CERT1: variants seen among roughly 807,000 people sequenced by gnomAD.
CERT1 encodes ceramide transfer protein.
In CERT1, 31 loss-of-function variants were observed where a neutral mutation model predicts 87.9. The ratio of observed to expected loss-of-function variants is 0.35; its 90% CI spans 0.27 to 0.48. The LOEUF is 0.48. Among genes scored for constraint, CERT1 ranks in the 20% least tolerant of loss-of-function variants. The pLI is 0.99. For missense variants in CERT1, 487 were observed against 758.0 expected (o/e 0.64, Z 4.20); for synonymous variants, 289 against 250.9 (o/e 1.15, Z -1.44).
intron 8 of CERT1, among the ~76,000 whole-genome samples, chr5:75,405,804 T>C (rs548757865): frequency 6.9e-6 from 1 of 145,232 alleles, no homozygotes; most frequent in African/African-American, 2.5e-5. Context: ...GGTACATACA[T>C]ATAGGAAAAA....
At chr5:75,509,326 T>C (rs1218238359) in intron 1 of CERT1, among the ~76,000 whole-genome samples, 1 of 152,228 alleles carries the variant, frequency 6.6e-6, no homozygotes, top group East Asian at 1.9e-4. Context: ...ATACTCAGTA[T>C]GAGTATATAT....
At chr5:75,486,563 T>C (rs1237028317) in intron 2 of CERT1, among the ~76,000 whole-genome samples, 1 of 152,110 alleles carries the variant, frequency 6.6e-6, no homozygotes, top group African/African-American at 2.4e-5. Context: ...TATGCTTATC[T>C]GGAAATGATA....
At chr5:75,491,844 G>A (rs1443515388) in intron 2 of CERT1, among the ~76,000 whole-genome samples, 2 of 152,136 alleles carry the variant, frequency 1.3e-5, no homozygotes, top group East Asian at 1.9e-4. Flanking sequence ...ACCTACCACT[G>A]TCTTCAGCTA....
At chr5:75,505,876 G>T (rs933710590) in intron 2 of CERT1, 106 bp downstream of exon 2, 2 of 816,040 alleles carry the variant, frequency 2.5e-6, no homozygotes, top group African/African-American at 1.8e-5. Context: ...ACAAGGACAA[G>T]GATCTTTATC....
intron 2 of CERT1, among the ~76,000 whole-genome samples, chr5:75,460,017 T>C (rs1186029677): frequency 6.8e-6 from 1 of 147,240 alleles, no homozygotes; most frequent in Non-Finnish European, 1.5e-5. Context: ...TTGCCCAGGC[T>C]GGTCTCGAAC....
intron 12 of CERT1, among the ~76,000 whole-genome samples, chr5:75,388,153 C>A (rs1761876089): frequency 6.6e-6 from 1 of 152,198 alleles, no homozygotes; most frequent in African/African-American, 2.4e-5. Flanking sequence ...TCTGGAGTAA[C>A]AAGACCCTGT....
At chr5:75,383,211 G>C (rs954283351) in intron 14 of CERT1, among the ~76,000 whole-genome samples, 6 of 151,886 alleles carry the variant, frequency 4.0e-5, no homozygotes, top group Non-Finnish European at 8.8e-5. Flanking sequence ...AATGTAATGT[G>C]ATTTTCTTGA....
chr5:75,374,154 TC>T (rs1404998355), downstream of CERT1: 9 of 398,094 alleles, frequency 2.3e-5, no homozygotes, highest in Admixed American at 4.4e-5. Context: ...TTTCTTTTTT[TC>T]TCCAACATGG....
chr5:75,382,180 T>C, intron 14 of CERT1, 103 bp from the exon 15 acceptor site: 1 of 1,079,018 alleles, frequency 9.3e-7, no homozygotes, highest in South Asian at 1.7e-5. Flanking sequence ...ATCTCTCAAA[T>C]TTTAAATGGA....
intron 3 of CERT1, among the ~76,000 whole-genome samples, chr5:75,438,517 G>A (rs982371787): frequency 6.6e-6 from 1 of 151,904 alleles, no homozygotes; most frequent in Non-Finnish European, 1.5e-5. Context: ...CCAGTTTTGG[G>A]GACAGTACTT....
rs192545594 is a variant in CERT1 at position 75,388,017 on chromosome 5, G to A, written c.1284+1575C>T. 5.1e-4 allele frequency among the ~76,000 whole-genome samples: 78 copies of A among 152,210 alleles called. 1 individual carries two copies. Among genetic ancestry groups the A allele is most frequent in the Admixed American group, 1.5e-3 (23 of 15,278 alleles). On this transcript the variant is annotated intron_variant, in intron 12 of 16. Transcript: ENST00000643780. ...GGAGGTGACTCTACGGTGACTGAACGATGACTACAGAAGAAGAAATAAGGC... is the reference window on the plus strand; with the variant it reads ...GGAGGTGACTCTACGGTGACTGAACAATGACTACAGAAGAAGAAATAAGGC...
rs2111999625 is a variant in CERT1 at position 75,382,734 on chromosome 5, T to C, written c.1489-657A>G. On this transcript the variant is annotated intron_variant, in intron 14 of 16. Coordinates refer to ENST00000643780, the MANE Select transcript of CERT1 (RefSeq NM_001379029.1). ...GTATATGTATCTGGACTAGTCCTTG[T>C]TATGCAGCGTCATTCCTGATTACTG... Among the ~76,000 whole-genome samples the C allele has an allele frequency of 1.3e-5, 2 of 151,894 alleles. 1 individual carries two copies. The highest frequency in any genetic ancestry group is 4.2e-4 in the South Asian group (2 of 4,802).
At chr5:75,393,092 A>T (rs1207511606) in intron 11 of CERT1, among the ~76,000 whole-genome samples, 2 of 151,530 alleles carry the variant, frequency 1.3e-5, no homozygotes, top group Non-Finnish European at 2.9e-5. Context: ...ATTAGGCTCA[A>T]AATTTGACAT....
At chr5:75,473,939 A>G (rs1379614112) in intron 2 of CERT1, among the ~76,000 whole-genome samples, 1 of 152,184 alleles carries the variant, frequency 6.6e-6, no homozygotes, top group Non-Finnish European at 1.5e-5. Context: ...ATTGTTATGA[A>G]GGAAGAGAAA....
chr5:75,410,140 T>C (rs1217791471), intron 8 of CERT1, among the ~76,000 whole-genome samples: 1 of 152,154 alleles, frequency 6.6e-6, no homozygotes, highest in African/African-American at 2.4e-5. Context: ...AATATATTTC[T>C]TACACATTTT....
intron 2 of CERT1, 38 bp downstream of exon 2, chr5:75,505,944 A>G (rs753068497): frequency 3.2e-6 from 5 of 1,559,442 alleles, no homozygotes; most frequent in South Asian, 1.1e-5. Flanking sequence ...GCTGACACTC[A>G]ATAAATATTT....
rs60898983 is a variant in CERT1 at position 75,393,602 on chromosome 5, T to TAAAAAAAAAAAAA, written c.1189-3928_1189-3916dup. On this transcript the variant is annotated intron_variant, in intron 11 of 16. Coordinates refer to ENST00000643780, the MANE Select transcript of CERT1 (RefSeq NM_001379029.1). ...GCAACATAGCAAGACCTCATCTACT[T>TAAAAAAAAAAAAA]AAAAAAAAAAAAAAAAAAAAAGAAA... Among the ~76,000 whole-genome samples the TAAAAAAAAAAAAA allele has an allele frequency of 2.4e-3, 80 of 32,712 alleles. 3 individuals are homozygous for TAAAAAAAAAAAAA. The highest frequency in any genetic ancestry group is 4.8e-3 in the Admixed American group (8 of 1,652). 21.5% of individuals were successfully genotyped at this position (32,712 alleles called of 152,430 possible). A position where few individuals can be genotyped will look rare whatever the true frequency, so the allele number is the denominator to read the frequency against.
At chr5:75,442,898 C>A (rs983135431) in intron 3 of CERT1, among the ~76,000 whole-genome samples, 12 of 152,228 alleles carry the variant, frequency 7.9e-5, no homozygotes, top group African/African-American at 2.9e-4. Flanking sequence ...TGGTGGTAAT[C>A]TCTTACTGTG....
chr5:75,428,789 A>T (rs1209634050), intron 3 of CERT1, among the ~76,000 whole-genome samples: 1 of 152,224 alleles, frequency 6.6e-6, no homozygotes, highest in Non-Finnish European at 1.5e-5. Flanking sequence ...TAATTCATTA[A>T]CCTTAAATTC....
Sources: allele counts gnomAD v4.1 joint callset (sites outside exome capture counted in the v4.1 genomes callset), GRCh38; gene constraint gnomAD v4.1.1; transcripts MANE v1.5; gene names NCBI Gene and HGNC (gene_info 2026-07-23, HGNC 2026-07-21).